Variants in PPP6R2 observed in about 807,000 individuals in gnomAD.
PPP6R2 encodes the protein protein phosphatase 6 regulatory subunit 2.
PPP6R2 carries 62 observed loss-of-function variants against 100.2 expected under a neutral mutation model. That is an observed-to-expected ratio of 0.62 (90% CI 0.50 to 0.76). PPP6R2 has a LOEUF of 0.76. Among genes scored for constraint, PPP6R2 ranks in the 30% least tolerant of loss-of-function variants. The pLI, the probability that PPP6R2 is intolerant of heterozygous loss-of-function variation, is 0.00. For synonymous variants in PPP6R2, 525 were observed against 514.7 expected, an observed-to-expected ratio of 1.02 and a Z score of -0.27; for missense variants, 1,142 against 1,276.3, an observed-to-expected ratio of 0.89 and a Z score of 1.60.
rs200548396 is a variant in PPP6R2 at position 50,440,917 on chromosome 22, G to A, written c.2470G>A (p.Glu824Lys). ...DSSSSGGSHS[E>K]DGDQKAASAM... The stretch of plus-strand genomic sequence containing the variant: ...TAGCTCCTCTGGGGGCTCCCACAGC[G>A]AGGATGGCGACCAGAAGGCAGCGAG... Residue 824 changes from glutamate (E) to lysine (K), a missense_variant, in exon 22 of 24, where the codon GAG becomes AAG. This residue lies in a region of PPP6R2 where 550 missense variants were observed against 517.4 expected (regional missense o/e 1.06). Coordinates refer to ENST00000612753, the MANE Select transcript of PPP6R2 (RefSeq NM_001242898.2). 9.3e-6 allele frequency: 15 copies of A among 1,613,748 alleles called. No individual in the cohort carries two copies. The highest frequency in any genetic ancestry group is 2.2e-5 in the East Asian group (1 of 44,876).
chr22:50,416,638 T>C lies in PPP6R2; in HGVS notation c.618+481T>C, dbSNP rs141827386. On this transcript the variant is annotated intron_variant, in intron 6 of 23. Coordinates refer to ENST00000612753, the MANE Select transcript of PPP6R2 (RefSeq NM_001242898.2). ...GAGCCACCATGCCTGGCCTACACTT[T>C]TTTTTCTTAACTGAAAAATAATCTA... Among the ~76,000 whole-genome samples the C allele has an allele frequency of 5.6e-3, 855 of 152,088 alleles. 12 individuals carry two copies. The highest frequency in any genetic ancestry group is 0.02 in the African/African-American group (812 of 41,524).
intron 17 of PPP6R2, 103 bp from the exon 18 acceptor site, chr22:50,438,071 G>C (rs1336528863): frequency 6.6e-7 from 1 of 1,521,744 alleles, no homozygotes; most frequent in Non-Finnish European, 8.9e-7. Context: ...CCAGCCCGGG[G>C]CTCCCACATC....
chr22:50,437,953 G>A (rs11703952), intron 17 of PPP6R2, 53 bp downstream of exon 17: 1 of 1,565,716 alleles, frequency 6.4e-7, no homozygotes, highest in Non-Finnish European at 8.7e-7. Flanking sequence ...AGGCAGCTCA[G>A]GCCATGCCCA....
At chr22:50,422,184 C>G in intron 8 of PPP6R2, 70 bp from the exon 9 acceptor site, 1 of 1,562,440 alleles carries the variant, frequency 6.4e-7, no homozygotes, top group Non-Finnish European at 8.7e-7. Context: ...GAAGCGGGTG[C>G]ACTGAGTTGC....
In PPP6R2 at chr22:50,444,651, A is replaced by G. The variant is rs1252494235; in HGVS notation, c.*404A>G. On this transcript the variant is annotated 3_prime_UTR_variant, in exon 24 of 24. Coordinates refer to ENST00000612753, the MANE Select transcript of PPP6R2 (RefSeq NM_001242898.2). ...TTTGTTGTTGTTTTGTTTTTAAAGA[A>G]TACAGAAGGAGCCAAGCTTTTTTGC... The G allele has an allele frequency of 1.3e-5, 3 of 223,148 alleles. No homozygotes were observed. Among genetic ancestry groups the G allele is most frequent in the Non-Finnish European group, 2.6e-5 (3 of 114,314 alleles). 13.8% of individuals were successfully genotyped at this position (223,148 alleles called of 1,614,324 possible).
At chr22:50,382,408 CT>C (rs2053285977) in intron 2 of PPP6R2, among the ~76,000 whole-genome samples, 1 of 151,424 alleles carries the variant, frequency 6.6e-6, no homozygotes, top group Non-Finnish European at 1.5e-5. Flanking sequence ...ACCAGCCTGA[CT>C]AACATGGTGA....
intron 1 of PPP6R2, among the ~76,000 whole-genome samples, chr22:50,348,185 C>G (rs767078885): frequency 7.9e-5 from 12 of 152,090 alleles, no homozygotes; most frequent in Admixed American, 7.2e-4. Context: ...TTAAGCCGTT[C>G]CTTGCAGGTG....
chr22:50,414,765 A>G, intron 5 of PPP6R2, 76 bp downstream of exon 5: 1 of 1,524,516 alleles, frequency 6.6e-7, no homozygotes, highest in Non-Finnish European at 8.8e-7. Context: ...GCAGGAGCTC[A>G]GAGCACCAGG....
chr22:50,424,630 C>CTTTTT (rs1483954681), intron 10 of PPP6R2, among the ~76,000 whole-genome samples: 27 of 101,290 alleles, frequency 2.7e-4, no homozygotes, highest in South Asian at 1.6e-3. Context: ...TTTCCCTCTT[C>CTTTTT]TTCTTTTTTT....
intron 11 of PPP6R2, 92 bp from the exon 12 acceptor site, chr22:50,432,173 G>C: frequency 8.2e-7 from 1 of 1,222,006 alleles, no homozygotes; most frequent in Non-Finnish European, 1.2e-6. Context: ...AGACGTGGCC[G>C]CCAGCCAGCC....
intron 7 of PPP6R2, 37 bp downstream of exon 7, chr22:50,419,016 C>G: frequency 2.6e-6 from 4 of 1,509,574 alleles, no homozygotes; most frequent in Admixed American, 3.3e-5. Flanking sequence ...GTGGGCCTCC[C>G]TTTCTGGGTC....
intron 18 of PPP6R2, 53 bp from the exon 19 acceptor site, chr22:50,438,546 A>G (rs2064893105): frequency 3.8e-6 from 6 of 1,592,356 alleles, no homozygotes; most frequent in Non-Finnish European, 3.4e-6. Flanking sequence ...CTGACCCTCC[A>G]TGTTAGGCGT....
At chr22:50,353,749 A>C (rs1200349468) in intron 1 of PPP6R2, among the ~76,000 whole-genome samples, 1 of 151,912 alleles carries the variant, frequency 6.6e-6, no homozygotes. Flanking sequence ...GAGGAAATGG[A>C]AATAAACAGC....
intron 7 of PPP6R2, 48 bp from the exon 8 acceptor site, chr22:50,419,301 T>A (rs1485495360): frequency 6.7e-7 from 1 of 1,499,746 alleles, no homozygotes; most frequent in East Asian, 2.3e-5. Context: ...GCATCCTTTG[T>A]GTGTGTGTCT....
intron 10 of PPP6R2, among the ~76,000 whole-genome samples, chr22:50,429,096 T>C (rs2062693849): frequency 6.6e-6 from 1 of 152,058 alleles, no homozygotes; most frequent in Non-Finnish European, 1.5e-5. Context: ...AGTGGCATGA[T>C]CTTGGCTCAC....
chr22:50,437,188 C>A, intron 15 of PPP6R2, 120 bp downstream of exon 15: 1 of 1,024,548 alleles, frequency 9.8e-7, no homozygotes, highest in Non-Finnish European at 1.5e-6. Context: ...GGGGGCTCGT[C>A]TCCGAGCACG....
intron 2 of PPP6R2, among the ~76,000 whole-genome samples, chr22:50,390,937 T>C (rs2055360624): frequency 6.7e-6 from 1 of 148,538 alleles, no homozygotes; most frequent in South Asian, 2.1e-4. Context: ...AGGCGGAGAT[T>C]GCAGTGAGCC....
chr22:50,362,524 G>A (rs1282298787), intron 1 of PPP6R2, among the ~76,000 whole-genome samples: 1 of 152,180 alleles, frequency 6.6e-6, no homozygotes, highest in East Asian at 1.9e-4. Flanking sequence ...GCTCTGCATG[G>A]AGGCCTCATG....
In PPP6R2 at chr22:50,423,398, G is replaced by A; in HGVS notation, c.973-64G>A. The stretch of plus-strand genomic sequence containing the variant: ...GCCTAGAGTGATGGGCATGAGCCCA[G>A]AGACTCCAGCAGTGGCCTCACTGCT... On this transcript the variant is annotated intron_variant, in intron 9 of 23. Coordinates refer to ENST00000612753, the MANE Select transcript of PPP6R2 (RefSeq NM_001242898.2). This position sits in a 1 kb window ranked among gnomAD's most constrained non-coding sequence, Gnocchi z 4.8. 6.3e-7 allele frequency: 1 copy of A among 1,595,618 alleles called. No individual in the cohort carries two copies. The highest frequency in any genetic ancestry group is 1.3e-5 in the African/African-American group (1 of 74,694).
Sources: allele counts gnomAD v4.1 joint callset (sites outside exome capture counted in the v4.1 genomes callset), GRCh38; gene constraint gnomAD v4.1.1; regional missense constraint gnomAD v4.1.1; non-coding constraint Gnocchi (gnomAD v3.1); transcripts MANE v1.5; gene names NCBI Gene and HGNC (gene_info 2026-07-23, HGNC 2026-07-21).